CLIC5: variants seen among roughly 807,000 people sequenced by gnomAD.
CLIC5 encodes the protein CLIC family member 5.
CLIC5 carries 20 observed loss-of-function variants against 24.7 expected under a neutral mutation model. That is an observed-to-expected ratio of 0.81 (90% CI 0.57 to 1.18). The LOEUF (loss-of-function observed/expected upper bound fraction) is 1.18. Ranked by LOEUF, CLIC5 falls within the 50% of genes most tolerant of loss-of-function variation. The probability of loss-of-function intolerance (pLI) is 0.00; values close to 1 mark genes in which losing one functional copy is unlikely to be tolerated. For synonymous variants in CLIC5, 159 were observed against 135.6 expected (o/e 1.17, Z -1.20); for missense variants, 341 against 326.1 (o/e 1.05, Z -0.35).
At chr6:46,036,500 C>A (rs180773644) in intron 1 of CLIC5, among the ~76,000 whole-genome samples, 4 of 151,348 alleles carry the variant, frequency 2.6e-5, no homozygotes, top group Non-Finnish European at 5.9e-5. Context: ...TCAGTAGAGA[C>A]GGGGTTTCAC....
intron 1 of CLIC5, among the ~76,000 whole-genome samples, chr6:46,051,266 T>A (rs1177352778): frequency 2.0e-5 from 3 of 152,232 alleles, no homozygotes; most frequent in African/African-American, 7.2e-5. Context: ...TTTGTTGAGT[T>A]GAGTTATGTT....
At chr6:45,883,630 C>T (rs768641423) in intron 6 of CLIC5, 2 of 152,438 alleles carry the variant, frequency 1.3e-5, no homozygotes, top group East Asian at 1.9e-4. Context: ...AAAACACTGC[C>T]CCTGACCTCA....
upstream of CLIC5, among the ~76,000 whole-genome samples, chr6:46,082,233 A>G (rs544056122): frequency 2.0e-5 from 3 of 152,282 alleles, no homozygotes; most frequent in South Asian, 2.1e-4. Context: ...TCAAGTCCTC[A>G]CCACAATGAC....
At chr6:45,881,839 A>G (rs945151251) in intron 6 of CLIC5, among the ~76,000 whole-genome samples, 24 of 152,160 alleles carry the variant, frequency 1.6e-4, no homozygotes, top group African/African-American at 5.8e-4. Flanking sequence ...TGTTTGGCCA[A>G]AGGAAAACCA....
At chr6:45,925,409 C>A (rs1246352813) in intron 4 of CLIC5, among the ~76,000 whole-genome samples, 1 of 151,880 alleles carries the variant, frequency 6.6e-6, no homozygotes, top group Non-Finnish European at 1.5e-5. Flanking sequence ...CTCCATCTCC[C>A]TGGCTCAAGC....
intron 6 of CLIC5, among the ~76,000 whole-genome samples, chr6:45,882,677 TTGA>T (rs1762273623): frequency 6.6e-6 from 1 of 152,354 alleles, no homozygotes; most frequent in Middle Eastern, 3.4e-3. Flanking sequence ...CTCCTTATAA[TTGA>T]TGATAAGAAA....
chr6:46,116,374 TC>T, the CLIC5 span, among the ~76,000 whole-genome samples: 3 of 152,150 alleles, frequency 2.0e-5, no homozygotes, highest in African/African-American at 4.8e-5. Context: ...GTAGCACAAT[TC>T]CTAGAACCTA....
chr6:46,074,991 T>G (rs181701804), intron 1 of CLIC5, among the ~76,000 whole-genome samples: 5 of 152,354 alleles, frequency 3.3e-5, no homozygotes, highest in Admixed American at 3.3e-4. Context: ...GAATGCTTGC[T>G]GCAAAGCACT....
At chr6:46,055,164 G>A (rs928990443) in intron 1 of CLIC5, among the ~76,000 whole-genome samples, 9 of 152,138 alleles carry the variant, frequency 5.9e-5, no homozygotes, top group Middle Eastern at 3.4e-3. Context: ...GTGCAGTGGC[G>A]CCATCTCAGC....
At chr6:46,113,460 T>C in the CLIC5 span, among the ~76,000 whole-genome samples, 1 of 152,084 alleles carries the variant, frequency 6.6e-6, no homozygotes, top group African/African-American at 2.4e-5. Flanking sequence ...AATCAGGCTG[T>C]GGCTATTAGG....
At chr6:45,941,398 G>T in intron 4 of CLIC5, 149 bp downstream of exon 4, 5 of 503,222 alleles carry the variant, frequency 9.9e-6, no homozygotes, top group Non-Finnish European at 1.7e-5. Flanking sequence ...CAAGATGGTG[G>T]TGGCGGGGGG....
intron 4 of CLIC5, among the ~76,000 whole-genome samples, chr6:45,940,056 C>T (rs1368727948): frequency 6.6e-6 from 1 of 152,300 alleles, no homozygotes; most frequent in Non-Finnish European, 1.5e-5. Flanking sequence ...CCCAAGCCCT[C>T]CAAGCTGGCA....
chr6:45,957,381 G>A (rs1467139692), intron 1 of CLIC5, among the ~76,000 whole-genome samples: 1 of 152,148 alleles, frequency 6.6e-6, no homozygotes, highest in Non-Finnish European at 1.5e-5. Flanking sequence ...GGAAATGGAG[G>A]CACAGAGAGA....
In CLIC5 at chr6:45,960,176, T is replaced by G. The variant is rs545585996; in HGVS notation, c.64-4932A>C. 3.3e-5 allele frequency among the ~76,000 whole-genome samples: 5 copies of G among 152,286 alleles called. No homozygotes were observed. The East Asian group carries it at 9.6e-4, about 29-fold the overall frequency. On this transcript the variant is annotated intron_variant, in intron 1 of 5. Coordinates refer to ENST00000339561, the MANE Select transcript of CLIC5 (RefSeq NM_016929.5). The stretch of plus-strand genomic sequence containing the variant: ...CATGAACACACCAGATATGTAATAC[T>G]TGGTTTCCAGATAATGAAGGGGAAG...
At chr6:46,091,012 C>G in the CLIC5 span, among the ~76,000 whole-genome samples, 1 of 152,200 alleles carries the variant, frequency 6.6e-6, no homozygotes, top group Non-Finnish European at 1.5e-5. Context: ...AGGTCACTTT[C>G]CTTTTTCTGT....
intron 1 of CLIC5, among the ~76,000 whole-genome samples, chr6:46,037,012 AT>A (rs927941019): frequency 6.0e-5 from 9 of 150,794 alleles, no homozygotes; most frequent in South Asian, 2.1e-4. Flanking sequence ...ACCTTCCCCC[AT>A]TTTTTTTTCA....
At chr6:45,965,669 T>C (rs1199342373) in intron 1 of CLIC5, among the ~76,000 whole-genome samples, 1 of 152,170 alleles carries the variant, frequency 6.6e-6, no homozygotes, top group Non-Finnish European at 1.5e-5. Flanking sequence ...CCTTTCCACA[T>C]TGGTATAATT....
intron 1 of CLIC5, among the ~76,000 whole-genome samples, chr6:45,972,740 C>T (rs1035143287): frequency 6.6e-6 from 1 of 152,200 alleles, no homozygotes; most frequent in African/African-American, 2.4e-5. Context: ...GTCTTCAGAA[C>T]CTTTGCAAGA....
intron 4 of CLIC5, among the ~76,000 whole-genome samples, chr6:45,931,801 G>C (rs1223227485): frequency 1.3e-5 from 2 of 152,158 alleles, no homozygotes; most frequent in African/African-American, 4.8e-5. Flanking sequence ...TGGAATTACA[G>C]GTGTGCGCCA....
Sources: gnomAD v4.1 joint callset for allele counts (sites outside exome capture counted in the v4.1 genomes callset) on GRCh38, gnomAD v4.1.1 for gene constraint, MANE v1.5 for transcripts, NCBI Gene and HGNC (gene_info 2026-07-23, HGNC 2026-07-21) for gene names.